The following MATN2 variants were observed in gnomAD, a reference collection of about 807,000 sequenced individuals.
MATN2 encodes matrilin 2.
MATN2 carries 69 observed loss-of-function variants against 103.2 expected under a neutral mutation model. The observed-to-expected ratio is 0.67, with a 90% confidence interval of 0.55 to 0.82. MATN2 has a LOEUF of 0.82. Among genes scored for constraint, MATN2 ranks in the 40% least tolerant of loss-of-function variants. The pLI is 0.00. For missense variants in MATN2, 1,023 were observed against 1,211.5 expected (o/e 0.84, Z 2.31); for synonymous variants, 429 against 450.2 (o/e 0.95, Z 0.60).
At chr8:97,950,386 A>G (rs931713936) in intron 4 of MATN2, among the ~76,000 whole-genome samples, 24 of 152,252 alleles carry the variant, frequency 1.6e-4, no homozygotes, top group African/African-American at 5.3e-4. Flanking sequence ...TCAAGGGCAA[A>G]ACCAGGTCAT....
intron 1 of MATN2, among the ~76,000 whole-genome samples, chr8:97,884,104 AC>A (rs1343803733): frequency 1.3e-5 from 2 of 152,132 alleles, no homozygotes; most frequent in African/African-American, 4.8e-5. Context: ...GCTTAATATG[AC>A]AAAATTAGCA....
chr8:97,920,755 C>T (rs571001918), intron 2 of MATN2, among the ~76,000 whole-genome samples: 4 of 152,120 alleles, frequency 2.6e-5, no homozygotes, highest in South Asian at 2.1e-4. Context: ...GCCTGGGAGG[C>T]GGAGTGATTG....
At chr8:98,009,152 G>A (rs1362401876) in intron 10 of MATN2, among the ~76,000 whole-genome samples, 1 of 152,208 alleles carries the variant, frequency 6.6e-6, no homozygotes, top group Non-Finnish European at 1.5e-5. Context: ...TCAGATAAGT[G>A]AGAATTGTCC....
chr8:97,996,777 G>A (rs1183660472), intron 7 of MATN2, among the ~76,000 whole-genome samples: 1 of 152,150 alleles, frequency 6.6e-6, no homozygotes, highest in Non-Finnish European at 1.5e-5. Context: ...AAGAAATTGG[G>A]TTTAAAAATC....
Position 97,993,228 on chromosome 8 carries a change from C to CA in MATN2, c.1082-1251dup, listed in dbSNP as rs769298605. Reference sequence around the variant, plus strand: ...GAATATTGTATATCTTTCCCTTACTCAGTTTGTTTCCTCTGGTATGGACTG... The same window carrying CA: ...GAATATTGTATATCTTTCCCTTACTCAAGTTTGTTTCCTCTGGTATGGACTG... On this transcript the variant is annotated intron_variant, in intron 6 of 18. Coordinates refer to ENST00000254898, the MANE Select transcript of MATN2 (RefSeq NM_002380.5). Among the ~76,000 whole-genome samples the CA allele has an allele frequency of 3.3e-4, 50 of 152,228 alleles. 1 individual carries two copies. The highest frequency in any genetic ancestry group is 4.6e-4 in the Admixed American group (7 of 15,290).
At chr8:97,889,118 T>A (rs567756883) in intron 2 of MATN2, among the ~76,000 whole-genome samples, 6 of 152,274 alleles carry the variant, frequency 3.9e-5, no homozygotes, top group South Asian at 4.1e-4. Flanking sequence ...TATTTGACAT[T>A]TATACCTTGT....
chr8:97,949,730 A>AG (rs1418185974), intron 4 of MATN2, among the ~76,000 whole-genome samples: 3 of 152,278 alleles, frequency 2.0e-5, no homozygotes, highest in African/African-American at 7.2e-5. Context: ...TACTTGTAAT[A>AG]GCCCCAAACT....
rs376481997 is a variant in MATN2 at position 97,979,001 on chromosome 8, G to T, written c.1074G>T (p.Thr358=). The change falls in exon 6 of 19, where the codon ACG becomes ACT. Residue 358 remains threonine (T), a synonymous_variant. Coordinates refer to ENST00000254898, the MANE Select transcript of MATN2 (RefSeq NM_002380.5). ...EGFALNPDKK[T]CTKIDYCASS... ...TTGCTCTTAACCCAGATAAAAAAACGTGCACAAGTAAGTTACACACACATG... is the reference window on the plus strand; with the variant it reads ...TTGCTCTTAACCCAGATAAAAAAACTTGCACAAGTAAGTTACACACACATG... The T allele has an allele frequency of 6.2e-7, 1 of 1,610,696 alleles. No homozygotes were observed. Among genetic ancestry groups the T allele is most frequent in the East Asian group, 2.2e-5 (1 of 44,832 alleles).
In MATN2 at chr8:97,935,652, A is replaced by T. The variant is rs559067431; in HGVS notation, c.712+4130A>T. Among the ~76,000 whole-genome samples, 4 of 152,050 alleles carry T rather than the reference A, an allele frequency of 2.6e-5. No individual in the cohort carries two copies. The East Asian group carries it at 7.8e-4, about 30-fold the overall frequency. On this transcript the variant is annotated intron_variant, in intron 3 of 18. Coordinates refer to ENST00000254898, the MANE Select transcript of MATN2 (RefSeq NM_002380.5). ...CAGGTGTGCGCCGCCATGACTGAATAATTTTTACTTTTTAAAAAAGAAACA... is the reference window on the plus strand; with the variant it reads ...CAGGTGTGCGCCGCCATGACTGAATTATTTTTACTTTTTAAAAAAGAAACA...
chr8:97,941,271 T>G (rs562571867), intron 3 of MATN2, among the ~76,000 whole-genome samples: 3 of 152,174 alleles, frequency 2.0e-5, no homozygotes, highest in Admixed American at 1.3e-4. Context: ...AGTGCATTTT[T>G]TACTCCAAAA....
intron 1 of MATN2, among the ~76,000 whole-genome samples, chr8:97,876,861 C>T (rs1411915899): frequency 6.6e-6 from 1 of 151,960 alleles, no homozygotes; most frequent in Non-Finnish European, 1.5e-5. Flanking sequence ...TTATTTTGTT[C>T]AATGTTATAT....
At position 98,016,631 on chromosome 8, in the gene MATN2, T is replaced by C. The variant is rs377427173; in HGVS notation, c.1665T>C (p.Tyr555=). 80 of 1,612,270 alleles carry C rather than the reference T, an allele frequency of 5.0e-5. No individual in the cohort carries two copies. Among genetic ancestry groups the C allele is most frequent in the African/African-American group, 6.7e-5 (5 of 75,032 alleles). Residue 555 remains tyrosine (Y), a synonymous_variant, in exon 11 of 19, where the codon TAT becomes TAC. Coordinates refer to ENST00000254898, the MANE Select transcript of MATN2 (RefSeq NM_002380.5). ...DSFVCQCFEG[Y]ILREDGKTCR... ...TTGTGTGCCAGTGCTTTGAAGGTTA[T>C]ATACTCCGTGAAGATGGAAAAACCT...
chr8:97,901,388 G>A (rs1168361401), intron 2 of MATN2, among the ~76,000 whole-genome samples: 1 of 152,064 alleles, frequency 6.6e-6, no homozygotes, highest in Non-Finnish European at 1.5e-5. Flanking sequence ...GAATAGCTGG[G>A]ATTACAGGCA....
intron 2 of MATN2, among the ~76,000 whole-genome samples, chr8:97,929,406 G>A (rs960484904): frequency 2.0e-5 from 3 of 152,138 alleles, no homozygotes; most frequent in East Asian, 1.9e-4. Flanking sequence ...TGCAAAGTCC[G>A]GGAAGGGAGT....
At chr8:98,019,581 T>C (rs1315203398) in intron 12 of MATN2, among the ~76,000 whole-genome samples, 4 of 152,196 alleles carry the variant, frequency 2.6e-5, no homozygotes, top group Non-Finnish European at 5.9e-5. Flanking sequence ...CTGGGCACTA[T>C]AGCCTAGCCA....
chr8:97,954,574 T>C (rs79823157), intron 4 of MATN2, among the ~76,000 whole-genome samples: 4,686 of 152,322 alleles, frequency 0.031, 110 homozygotes, highest in Non-Finnish European at 0.047. Context: ...ATGCACATCA[T>C]TGTGTGAGTC....
In MATN2 at chr8:97,931,096, G is replaced by C; in HGVS notation, c.286G>C (p.Val96Leu). Residue 96 changes from valine to leucine, a missense_variant, in exon 3 of 19, where the codon GTG becomes CTG. Transcript: ENST00000254898. The surrounding 1 kb of genome is among the most constrained non-coding windows in gnomAD (Gnocchi z 4.1). ...FLDIGPDVTR[V>L]GLLQYGSTVK... is the part of the protein sequence containing the mutation. The stretch of plus-strand genomic sequence containing the variant: ...GGACATTGGTCCTGATGTCACCCGA[G>C]TGGGCCTGCTCCAATATGGCAGCAC... The C allele has an allele frequency of 1.2e-6, 2 of 1,614,036 alleles. No homozygotes were observed. The highest frequency in any genetic ancestry group is 1.7e-6 in the Non-Finnish European group (2 of 1,179,898).
At chr8:97,889,459 CTATATATATATATATA>C (rs56115197) in intron 2 of MATN2, among the ~76,000 whole-genome samples, 5 of 123,366 alleles carry the variant, frequency 4.1e-5, no homozygotes, top group Admixed American at 2.6e-4. Flanking sequence ...CTCTCTCTGT[CTATATATATATATATA>C]TATATATATA....
intron 3 of MATN2, among the ~76,000 whole-genome samples, chr8:97,935,639 G>T (rs1221019679): frequency 6.6e-6 from 1 of 151,998 alleles, no homozygotes; most frequent in African/African-American, 2.4e-5. Flanking sequence ...GGTGTGCGCC[G>T]CCATGACTGA....
Sources: gnomAD v4.1 joint callset for allele counts (sites outside exome capture counted in the v4.1 genomes callset) on GRCh38, gnomAD v4.1.1 for gene constraint, Gnocchi (gnomAD v3.1) non-coding constraint, MANE v1.5 for transcripts, NCBI Gene and HGNC (gene_info 2026-07-23, HGNC 2026-07-21) for gene names.